Variants in FRMD4A observed in about 807,000 individuals in gnomAD.
FRMD4A encodes FERM domain containing 4A.
FRMD4A carries 29 observed loss-of-function variants against 129.1 expected under a neutral mutation model. The ratio of observed to expected loss-of-function variants is 0.22; its 90% CI spans 0.17 to 0.31. FRMD4A has a LOEUF of 0.31. FRMD4A is among the 10% of genes least tolerant of loss of function. The pLI, the probability that FRMD4A is intolerant of heterozygous loss-of-function variation, is 1.00. For synonymous variants in FRMD4A, 634 were observed against 571.6 expected (o/e 1.11, Z -1.56); for missense variants, 1,272 against 1,375.8 (o/e 0.92, Z 1.19).
intron 2 of FRMD4A, chr10:13,870,650 TCTGGCAGCTACC>T (rs2094428957): frequency 6.6e-6 from 1 of 151,822 alleles, no homozygotes; most frequent in African/African-American, 2.4e-5. Flanking sequence ...CACAGCACTA[TCTGGCAGCTACC>T]CTGGGCTGTC....
In FRMD4A at chr10:13,818,058, T is replaced by C. The variant is rs181496424; in HGVS notation, c.112-7150A>G. Among the ~76,000 whole-genome samples, 410 of 152,326 alleles carry C rather than the reference T, an allele frequency of 2.7e-3. 1 individual carries two copies. The highest frequency in any genetic ancestry group is 9.4e-3 in the African/African-American group (389 of 41,560). On this transcript the variant is annotated intron_variant, in intron 3 of 24. Transcript: ENST00000357447. ...GACATGTGTCTATCCAGATAGATGA[T>C]CTTAGACAAATTACGCAAGCTCTCT...
At chr10:13,684,721 C>G (rs1422016327) in intron 15 of FRMD4A, 1 of 985,190 alleles carries the variant, frequency 1.0e-6, no homozygotes, top group Non-Finnish European at 1.2e-6. Flanking sequence ...ATATTGATGA[C>G]CAGCCACTGA....
chr10:13,760,469 T>C (rs1178769295), intron 8 of FRMD4A, among the ~76,000 whole-genome samples: 3 of 151,732 alleles, frequency 2.0e-5, no homozygotes, highest in Non-Finnish European at 4.4e-5. Context: ...CAGTGAGACA[T>C]GACTGCACCA....
intron 2 of FRMD4A, among the ~76,000 whole-genome samples, chr10:13,959,234 G>A (rs559414028): frequency 6.6e-5 from 10 of 152,198 alleles, no homozygotes; most frequent in South Asian, 2.1e-4. Flanking sequence ...AGCACTTTGG[G>A]AGGCCAAGGC....
At chr10:14,306,628 T>C (rs1175285672) in intron 2 of FRMD4A, among the ~76,000 whole-genome samples, 4 of 152,216 alleles carry the variant, frequency 2.6e-5, no homozygotes, top group African/African-American at 9.6e-5. Context: ...GAGTCTGTTC[T>C]GATATTTTAT....
chr10:13,897,771 T>C (rs1475317348), intron 2 of FRMD4A, among the ~76,000 whole-genome samples: 1 of 151,528 alleles, frequency 6.6e-6, no homozygotes, highest in Non-Finnish European at 1.5e-5. Flanking sequence ...ACCCCGTCTC[T>C]GCTAAAAATA....
intron 2 of FRMD4A, among the ~76,000 whole-genome samples, chr10:14,025,359 T>A (rs1832941355): frequency 6.6e-6 from 1 of 152,150 alleles, no homozygotes; most frequent in African/African-American, 2.4e-5. Context: ...CACATAAATT[T>A]TGCCATCTTA....
intron 19 of FRMD4A, among the ~76,000 whole-genome samples, chr10:13,662,931 G>C (rs942838299): frequency 7.2e-5 from 11 of 152,120 alleles, no homozygotes; most frequent in African/African-American, 2.7e-4. Context: ...TTTTGGGCCA[G>C]GTATGGTGGC....
chr10:13,779,046 T>C (rs11258600), intron 6 of FRMD4A, among the ~76,000 whole-genome samples: 119,100 of 151,964 alleles, frequency 0.78, 46,963 homozygotes, highest in East Asian at 0.95. Flanking sequence ...TGGCTGGGTG[T>C]GGTGGCTCAT....
At chr10:14,072,347 A>G (rs1404591282) in intron 2 of FRMD4A, among the ~76,000 whole-genome samples, 2 of 152,246 alleles carry the variant, frequency 1.3e-5, no homozygotes, top group Non-Finnish European at 1.5e-5. Context: ...TAAGAAGAAA[A>G]AGCCAAAAAT....
rs1410278033 is a variant in FRMD4A, at chr10:13,877,589, TA to T, written c.46-18678del. Among the ~76,000 whole-genome samples the T allele has an allele frequency of 2.0e-5, 3 of 152,272 alleles. No individual in the cohort carries two copies. In the East Asian group the frequency reaches 5.8e-4, roughly 29 times the overall value. On this transcript the variant is annotated intron_variant, in intron 2 of 24. Transcript: ENST00000357447. ...AGCTTGGGGACCCGTAGTGCTTCCATAGGGGGAAGTTTCCACAGTGACTTTG... is the reference window on the plus strand; with the variant it reads ...AGCTTGGGGACCCGTAGTGCTTCCATGGGGGAAGTTTCCACAGTGACTTTG...
rs189898829 is a variant in FRMD4A, at chr10:13,684,061, T to C, written c.1118-9017A>G. ...GAAGGTTAAGCCTGCCTCTGAATTA[T>C]TGTCAGGAAAACAGTGTCATCAGGT... On this transcript the variant is annotated intron_variant, in intron 15 of 24. Coordinates refer to ENST00000357447, the MANE Select transcript of FRMD4A (RefSeq NM_018027.5). The C allele has an allele frequency of 1.7e-3, 266 of 152,290 alleles. 1 individual carries two copies. Among genetic ancestry groups the C allele is most frequent in the African/African-American group, 6.1e-3 (252 of 41,492 alleles). The allele number at this position is 152,290 out of a possible 1,614,324, so 9.4% of individuals were successfully genotyped here.
chr10:13,681,587 T>C (rs1464060339), intron 15 of FRMD4A, among the ~76,000 whole-genome samples: 1 of 152,136 alleles, frequency 6.6e-6, no homozygotes, highest in Non-Finnish European at 1.5e-5. Flanking sequence ...TGTATATATA[T>C]ATATTTTTGT....
intron 12 of FRMD4A, among the ~76,000 whole-genome samples, chr10:13,731,844 A>C (rs189115192): frequency 1.3e-5 from 2 of 151,972 alleles, no homozygotes; most frequent in African/African-American, 4.8e-5. Context: ...TCTTCCATAT[A>C]TGTTGTTCCA....
At chr10:14,133,742 C>T (rs184256003) in intron 2 of FRMD4A, among the ~76,000 whole-genome samples, 1 of 152,316 alleles carries the variant, frequency 6.6e-6, no homozygotes. Flanking sequence ...TGTCTAGAAT[C>T]TGCCTGTTTC....
At position 14,330,907 on chromosome 10, in the gene FRMD4A, T is replaced by G. The variant is rs184200969; in HGVS notation, c.-392A>C. Reference sequence around the variant, plus strand: ...TTCTGATCTCCCTGGCTGTACCACATGTACGCCGCATACAGACACACTCTA... The same window carrying G: ...TTCTGATCTCCCTGGCTGTACCACAGGTACGCCGCATACAGACACACTCTA... On this transcript the variant is annotated 5_prime_UTR_variant, in exon 1 of 25. The change abolishes an upstream ATG in the 5' untranslated region. Transcript: ENST00000357447. 2.5e-6 allele frequency: 1 copy of G among 398,694 alleles called. No individual in the cohort carries two copies. The highest frequency in any genetic ancestry group is 3.6e-5 in the East Asian group (1 of 28,064). The allele number at this position is 398,694 out of a possible 1,614,324, so 24.7% of individuals were successfully genotyped here. A position where few individuals can be genotyped will look rare whatever the true frequency, so the allele number is the denominator to read the frequency against.
intron 2 of FRMD4A, among the ~76,000 whole-genome samples, chr10:14,064,824 T>C (rs996593509): frequency 6.6e-6 from 1 of 152,146 alleles, no homozygotes; most frequent in Non-Finnish European, 1.5e-5. Flanking sequence ...GTGATCCACC[T>C]GCTTTGACCT....
intron 2 of FRMD4A, among the ~76,000 whole-genome samples, chr10:13,954,203 T>C (rs911927746): frequency 6.6e-6 from 1 of 152,216 alleles, no homozygotes; most frequent in African/African-American, 2.4e-5. Context: ...AGTTTCCTAT[T>C]GCACTCGGTG....
At chr10:13,932,909 C>T (rs981946201) in intron 2 of FRMD4A, among the ~76,000 whole-genome samples, 3 of 152,114 alleles carry the variant, frequency 2.0e-5, no homozygotes, top group African/African-American at 7.2e-5. Context: ...GCCTGTTATC[C>T]CAGCACTTTG....
Sources: allele counts gnomAD v4.1 joint callset (sites outside exome capture counted in the v4.1 genomes callset), GRCh38; gene constraint gnomAD v4.1.1; transcripts MANE v1.5; gene names NCBI Gene and HGNC (gene_info 2026-07-23, HGNC 2026-07-21).